PCDHGB6: variants seen among roughly 807,000 people sequenced by gnomAD.
PCDHGB6 encodes the protein protocadherin gamma-B6.
In PCDHGB6, 51 loss-of-function variants were observed where a neutral mutation model predicts 59.1. The ratio of observed to expected loss-of-function variants is 0.86; its 90% confidence interval spans 0.69 to 1.09. PCDHGB6 has a LOEUF of 1.09. PCDHGB6 is among the 50% of genes least tolerant of loss of function. The pLI, the probability that PCDHGB6 is intolerant of heterozygous loss-of-function variation, is 0.00. For missense variants in PCDHGB6, 1,148 were observed against 1,205.1 expected, an observed-to-expected ratio of 0.95 and a Z score of 0.70; for synonymous variants, 466 against 495.1, an observed-to-expected ratio of 0.94 and a Z score of 0.78.
chr5:141,426,754 T>C, intron 1 of PCDHGB6: 1 of 456,314 alleles, frequency 2.2e-6, no homozygotes, highest in Non-Finnish European at 4.4e-6. Context: ...GAATCTGCTA[T>C]AGATGCAGAT....
chr5:141,476,601 C>A lies in PCDHGB6; in HGVS notation c.2419-18206C>A. On this transcript the variant is annotated intron_variant, in intron 1 of 3. Coordinates refer to ENST00000520790, the MANE Select transcript of PCDHGB6 (RefSeq NM_018926.3). The surrounding 1 kb of genome is among the most constrained non-coding windows in gnomAD (Gnocchi z 7.6). ...TTTCCGCTCGAGAGCGCGCACGATC[C>A]CGATGTGGGAAGCAACTCTTTACAA... The A allele has an allele frequency of 6.2e-7, 1 of 1,614,228 alleles. No homozygotes were observed. The highest frequency in any genetic ancestry group is 2.2e-5 in the East Asian group (1 of 44,878).
At chr5:141,430,834 G>T (rs1317415848) in intron 1 of PCDHGB6, 1 of 1,557,712 alleles carries the variant, frequency 6.4e-7, no homozygotes, top group Non-Finnish European at 8.7e-7. Context: ...CTCTGTGGGA[G>T]ACCGGATGCA....
At chr5:141,453,495 C>T (rs1490576605) in intron 1 of PCDHGB6, among the ~76,000 whole-genome samples, 1 of 151,968 alleles carries the variant, frequency 6.6e-6, no homozygotes, top group Admixed American at 6.6e-5. Flanking sequence ...AAAAGGTGTA[C>T]TCAGAAAATT....
chr5:141,414,686 C>G, intron 1 of PCDHGB6: 4 of 1,614,042 alleles, frequency 2.5e-6, no homozygotes, highest in Non-Finnish European at 3.4e-6. Flanking sequence ...CAGGGGGTAC[C>G]TCTGTCCTCA....
At chr5:141,473,548 C>A (rs1158305951) in intron 1 of PCDHGB6, among the ~76,000 whole-genome samples, 3 of 152,118 alleles carry the variant, frequency 2.0e-5, no homozygotes, top group South Asian at 2.1e-4. Context: ...TAATGGAAGA[C>A]CTCTATTAGG....
intron 3 of PCDHGB6, among the ~76,000 whole-genome samples, chr5:141,510,378 C>A (rs919650449): frequency 6.6e-6 from 1 of 151,786 alleles, no homozygotes; most frequent in East Asian, 2.0e-4. Flanking sequence ...TCTACTCGTG[C>A]CAGGCCTTGC....
chr5:141,430,773 G>A (rs375524585), intron 1 of PCDHGB6: 2 of 1,507,932 alleles, frequency 1.3e-6, no homozygotes, highest in Non-Finnish European at 1.8e-6. Flanking sequence ...ATTCCTGCGC[G>A]ACTGCACCGG....
At chr5:141,416,362 G>A (rs562901653) in intron 1 of PCDHGB6, 4 of 152,306 alleles carry the variant, frequency 2.6e-5, no homozygotes, top group African/African-American at 7.2e-5. Flanking sequence ...GGAGGCTATA[G>A]AGGGTGAAAT....
At chr5:141,463,955 A>G (rs2154568299) in intron 1 of PCDHGB6, among the ~76,000 whole-genome samples, 1 of 152,288 alleles carries the variant, frequency 6.6e-6, no homozygotes, top group Middle Eastern at 3.4e-3. Flanking sequence ...CTTCATTTTT[A>G]AAATAGCTTC....
chr5:141,439,487 G>A lies in PCDHGB6; in HGVS notation c.2418+28867G>A, dbSNP rs11952418. 8.3e-3 allele frequency among the ~76,000 whole-genome samples: 1,269 copies of A among 152,266 alleles called. 16 individuals are homozygous for A. Among genetic ancestry groups the A allele is most frequent in the African/African-American group, 0.029 (1,205 of 41,540 alleles). Reference sequence around the variant, plus strand: ...GCTGCCTTTCAGCTTGCAAATTCCAGTGAGAAACGTCTTTCTCTCTGCTCT... The same window carrying A: ...GCTGCCTTTCAGCTTGCAAATTCCAATGAGAAACGTCTTTCTCTCTGCTCT... On this transcript the variant is annotated intron_variant, in intron 1 of 3. Coordinates refer to ENST00000520790, the MANE Select transcript of PCDHGB6 (RefSeq NM_018926.3).
At chr5:141,484,626 C>T (rs1306600907) in intron 1 of PCDHGB6, among the ~76,000 whole-genome samples, 1 of 151,972 alleles carries the variant, frequency 6.6e-6, no homozygotes, top group African/African-American at 2.4e-5. Context: ...CTGGCTTGAA[C>T]AAAGTGACCA....
At chr5:141,414,336 C>T (rs567878158) in intron 1 of PCDHGB6, 3 of 1,613,846 alleles carry the variant, frequency 1.9e-6, no homozygotes, top group East Asian at 2.2e-5. Flanking sequence ...GACAGGTAAC[C>T]TGTTCCATTT....
At position 141,408,952 on chromosome 5, in the gene PCDHGB6, T is replaced by C. The variant is rs531696982; in HGVS notation, c.750T>C (p.Ser250=). 1 of 1,613,544 alleles carries C rather than the reference T, an allele frequency of 6.2e-7. No homozygotes were observed. The highest frequency in any genetic ancestry group is 1.3e-5 in the African/African-American group (1 of 74,950). Residue 250 remains serine, a synonymous_variant, in exon 1 of 4, where the codon AGT becomes AGC. Transcript: ENST00000520790. ...PVFSRDEYRI[S]LSENLPPGSP... ...TCAGCAGAGACGAATATAGAATTAG[T>C]CTTAGTGAAAATCTGCCCCCTGGGT...
chr5:141,477,560 T>C lies in PCDHGB6; in HGVS notation c.2419-17247T>C, dbSNP rs2099412994. The C allele has an allele frequency of 1.2e-6, 2 of 1,614,078 alleles. No homozygotes were observed. Among genetic ancestry groups the C allele is most frequent in the South Asian group, 2.2e-5 (2 of 91,094 alleles). ...GGCTCCAATACTAAACCTAAGTGTC[T>C]GGGACCCCGACGCCCCGCAGAATGC... On this transcript the variant is annotated intron_variant, in intron 1 of 3. Transcript: ENST00000520790. This position sits in a 1 kb window ranked among gnomAD's most constrained non-coding sequence, Gnocchi z 4.9.
Position 141,489,606 on chromosome 5 carries a change from G to A in PCDHGB6, c.2419-5201G>A. The stretch of plus-strand genomic sequence containing the variant: ...TGGAGCTAATCCGTGTAGAGGTAGA[G>A]ATCCTGGATCTCAATGACAACTCTC... On this transcript the variant is annotated intron_variant, in intron 1 of 3. Coordinates refer to ENST00000520790, the MANE Select transcript of PCDHGB6 (RefSeq NM_018926.3). This position sits in a 1 kb window ranked among gnomAD's most constrained non-coding sequence, Gnocchi z 4.5. The A allele has an allele frequency of 6.2e-7, 1 of 1,614,110 alleles. No homozygotes were observed.
Position 141,499,370 on chromosome 5 carries a change from A to T in PCDHGB6, c.2477+4505A>T, listed in dbSNP as rs546430948. ...CATTCAACAAACAAATAGCAACTTA[A>T]TTTTTTTCCACTTATAAAATAGTAC... On this transcript the variant is annotated intron_variant, in intron 2 of 3. Coordinates refer to ENST00000520790, the MANE Select transcript of PCDHGB6 (RefSeq NM_018926.3). 2.0e-3 allele frequency among the ~76,000 whole-genome samples: 300 copies of T among 152,286 alleles called. 1 individual carries two copies. The highest frequency in any genetic ancestry group is 2.7e-3 in the Non-Finnish European group (184 of 68,028).
At chr5:141,459,606 T>G (rs1430790771) in intron 1 of PCDHGB6, among the ~76,000 whole-genome samples, 1 of 152,250 alleles carries the variant, frequency 6.6e-6, no homozygotes, top group Non-Finnish European at 1.5e-5. Context: ...GGGAAGTATA[T>G]GCTTAACTTT....
At position 141,477,217 on chromosome 5, in the gene PCDHGB6, G is replaced by T. The variant is rs745497348; in HGVS notation, c.2419-17590G>T. On this transcript the variant is annotated intron_variant, in intron 1 of 3. Transcript: ENST00000520790. This position sits in a 1 kb window ranked among gnomAD's most constrained non-coding sequence, Gnocchi z 4.9. ...GCCCAGTACCCGAGGATGCCCCTCTGGGGACTGTCATCGCTTTGCTCAGTG... is the reference window on the plus strand; with the variant it reads ...GCCCAGTACCCGAGGATGCCCCTCTTGGGACTGTCATCGCTTTGCTCAGTG... The T allele has an allele frequency of 8.1e-6, 13 of 1,614,178 alleles. No homozygotes were observed. The African/African-American group carries it at 1.7e-4, about 22-fold the overall frequency.
In PCDHGB6 at chr5:141,409,168, G is replaced by T; in HGVS notation, c.966G>T (p.Lys322Asn). 6.2e-7 allele frequency: 1 copy of T among 1,614,032 alleles called. No homozygotes were observed. Among genetic ancestry groups the T allele is most frequent in the Non-Finnish European group, 8.5e-7 (1 of 1,179,894 alleles). Reference sequence around the variant, plus strand: ...GGTACACCATGGAAGTGGAAGCGAAGGACGGAGGTGGTCTCTCTACCCAGT... The same window carrying T: ...GGTACACCATGGAAGTGGAAGCGAATGACGGAGGTGGTCTCTCTACCCAGT... Reference protein sequence around the residue: ...VERYTMEVEAKDGGGLSTQCK... With the variant: ...VERYTMEVEANDGGGLSTQCK... The change falls in exon 1 of 4, where the codon AAG becomes AAT. Residue 322 changes from lysine to asparagine, a missense_variant. Transcript: ENST00000520790.
Sources: gnomAD v4.1 joint callset for allele counts (sites outside exome capture counted in the v4.1 genomes callset) on GRCh38, gnomAD v4.1.1 for gene constraint, Gnocchi (gnomAD v3.1) non-coding constraint, MANE v1.5 for transcripts, NCBI Gene and HGNC (gene_info 2026-07-23, HGNC 2026-07-21) for gene names.